JAK2: variants seen among roughly 807,000 people sequenced by gnomAD.
The protein encoded by JAK2 is Janus kinase 2, also known as tyrosine-protein kinase JAK2.
JAK2 carries 86 observed loss-of-function variants against 139.3 expected under a neutral mutation model. The ratio of observed to expected loss-of-function variants is 0.62; its 90% CI spans 0.52 to 0.74. The LOEUF is 0.74. Among genes scored for constraint, JAK2 ranks in the 30% least tolerant of loss-of-function variants. JAK2 has a pLI of 0.00. For missense variants in JAK2, 1,421 were observed against 1,360.3 expected, an observed-to-expected ratio of 1.04 and a Z score of -0.70; for synonymous variants, 490 against 437.7, an observed-to-expected ratio of 1.12 and a Z score of -1.49.
At chr9:4,995,339 T>C (rs917434298) in intron 2 of JAK2, among the ~76,000 whole-genome samples, 5 of 152,316 alleles carry the variant, frequency 3.3e-5, no homozygotes, top group Admixed American at 2.0e-4. Context: ...GTAGATAGTG[T>C]GATTTTGTTG....
intron 19 of JAK2, chr9:5,086,143 GCAAGGCTCGGGGA>G: frequency 2.6e-6 from 1 of 383,834 alleles, no homozygotes; most frequent in Admixed American, 4.8e-5. Flanking sequence ...CGGCGGCCCC[GCAAGGCTCGGGGA>G]GCGGTCTCCA....
chr9:5,041,371 C>T, intron 4 of JAK2: 2 of 626,972 alleles, frequency 3.2e-6, no homozygotes, highest in Non-Finnish European at 3.0e-6. Flanking sequence ...TCAACATGCA[C>T]CTGGGCAAGG....
In JAK2 at chr9:5,102,052, C is replaced by T. The variant is rs532066234; in HGVS notation, c.3059+11141C>T. On this transcript the variant is annotated intron_variant, in intron 22 of 24. Transcript: ENST00000381652. Reference sequence around the variant, plus strand: ...ATGGAGAATGACTTTGACGAGCTGACAGAAGTAGGCTTCAGAAGGTTGGTA... The same window carrying T: ...ATGGAGAATGACTTTGACGAGCTGATAGAAGTAGGCTTCAGAAGGTTGGTA... 3.3e-5 allele frequency among the ~76,000 whole-genome samples: 5 copies of T among 152,266 alleles called. 1 individual carries two copies. In the South Asian group the frequency reaches 1.0e-3, roughly 32 times the overall value.
Position 5,126,820 on chromosome 9 carries a change from G to A in JAK2, c.*29G>A. The stretch of plus-strand genomic sequence containing the variant: ...AAATGACCTTCATTCTGAGACCAAA[G>A]TAGATTTACAGAACAAAGTTTTATA... On this transcript the variant is annotated 3_prime_UTR_variant, in exon 25 of 25. Transcript: ENST00000381652. 7.2e-7 allele frequency: 1 copy of A among 1,394,808 alleles called. No individual in the cohort carries two copies. The highest frequency in any genetic ancestry group is 1.8e-5 in the Admixed American group (1 of 55,770). The allele number at this position is 1,394,808 out of a possible 1,614,324, so 86.4% of individuals were successfully genotyped here. A position where few individuals can be genotyped will look rare whatever the true frequency, so the allele number is the denominator to read the frequency against.
chr9:5,081,047 C>A (rs1449989572), intron 18 of JAK2, among the ~76,000 whole-genome samples: 2 of 151,768 alleles, frequency 1.3e-5, no homozygotes, highest in Non-Finnish European at 2.9e-5. Context: ...AGGCGCCCGC[C>A]ACCACACCCG....
intron 12 of JAK2, among the ~76,000 whole-genome samples, chr9:5,070,526 G>T (rs1456876606): frequency 6.6e-6 from 1 of 151,982 alleles, no homozygotes; most frequent in Non-Finnish European, 1.5e-5. Context: ...ATATACATGG[G>T]TTTTGCATCC....
At chr9:5,122,398 G>C (rs376429336) in intron 22 of JAK2, among the ~76,000 whole-genome samples, 1 of 152,060 alleles carries the variant, frequency 6.6e-6, no homozygotes, top group South Asian at 2.1e-4. Context: ...ATAGCTTTAA[G>C]TCTTGCCTTG....
At chr9:5,091,054 T>TAGG in intron 22 of JAK2, 143 bp downstream of exon 22, 1 of 619,768 alleles carries the variant, frequency 1.6e-6, no homozygotes, top group African/African-American at 1.9e-5. Flanking sequence ...ACTTTTTTTT[T>TAGG]TTAGGTCTTA....
At position 5,119,050 on chromosome 9, in the gene JAK2, CATTATT is replaced by C. The variant is rs1012203836; in HGVS notation, c.3060-3949_3060-3944del. On this transcript the variant is annotated intron_variant, in intron 22 of 24. Coordinates refer to ENST00000381652, the MANE Select transcript of JAK2 (RefSeq NM_004972.4). Reference sequence around the variant, plus strand: ...TTGAAAAAACAGACTATTATTAATACATTATTATTAACATATTTTATCATGTTTTAA... The same window carrying C: ...TTGAAAAAACAGACTATTATTAATACATTAACATATTTTATCATGTTTTAA... Among the ~76,000 whole-genome samples the C allele has an allele frequency of 2.9e-3, 448 of 152,198 alleles. 4 individuals are homozygous for C. The highest frequency in any genetic ancestry group is 9.3e-3 in the African/African-American group (387 of 41,544).
Position 5,054,978 on chromosome 9 carries a change from A to T in JAK2, c.936+94A>T. 1 of 877,172 alleles carries T rather than the reference A, an allele frequency of 1.1e-6. No individual in the cohort carries two copies. The highest frequency in any genetic ancestry group is 1.7e-6 in the Non-Finnish European group (1 of 583,540). 54.3% of individuals were successfully genotyped at this position (877,172 alleles called of 1,614,324 possible). A position where few individuals can be genotyped will look rare whatever the true frequency, so the allele number is the denominator to read the frequency against. ...TTAATCATTTGCAACATGGTATTGC[A>T]CTTCTCCCATTTGATAGAAGTGGAA... On this transcript the variant is annotated intron_variant, in intron 7 of 24. Coordinates refer to ENST00000381652, the MANE Select transcript of JAK2 (RefSeq NM_004972.4). The surrounding 1 kb of genome is among the most constrained non-coding windows in gnomAD (Gnocchi z 4.9).
At chr9:5,051,476 G>A (rs142062173) in intron 6 of JAK2, among the ~76,000 whole-genome samples, 2 of 152,224 alleles carry the variant, frequency 1.3e-5, no homozygotes, top group East Asian at 3.9e-4. Flanking sequence ...TAATCCAAGA[G>A]ATTTGGATTC....
At chr9:4,989,273 TG>T (rs991168100) in intron 2 of JAK2, among the ~76,000 whole-genome samples, 3 of 152,252 alleles carry the variant, frequency 2.0e-5, no homozygotes, top group Non-Finnish European at 4.4e-5. Flanking sequence ...CTTTAATTTT[TG>T]CCCATGTTCT....
intron 4 of JAK2, among the ~76,000 whole-genome samples, chr9:5,038,615 G>A (rs1396783552): frequency 7.5e-6 from 1 of 133,436 alleles, no homozygotes; most frequent in African/African-American, 2.9e-5. Flanking sequence ...TTTTTTTTTG[G>A]ATTTTAGAAT....
intron 22 of JAK2, among the ~76,000 whole-genome samples, chr9:5,104,445 G>GA (rs1389333954): frequency 6.6e-6 from 1 of 152,144 alleles, no homozygotes; most frequent in Non-Finnish European, 1.5e-5. Flanking sequence ...AAAAGTCCAG[G>GA]ACCAGATGGA....
intron 4 of JAK2, among the ~76,000 whole-genome samples, chr9:5,040,108 T>C (rs962943656): frequency 2.0e-5 from 3 of 152,204 alleles, no homozygotes; most frequent in African/African-American, 7.2e-5. Context: ...AGGATGAATA[T>C]ACAGATTAAT....
At chr9:5,033,739 A>G (rs1222834502) in intron 4 of JAK2, among the ~76,000 whole-genome samples, 1 of 152,232 alleles carries the variant, frequency 6.6e-6, no homozygotes, top group Non-Finnish European at 1.5e-5. Flanking sequence ...TCCTGAAGGA[A>G]GCACTAAACA....
At chr9:4,987,720 A>T (rs1470032877) in intron 2 of JAK2, among the ~76,000 whole-genome samples, 8 of 140,790 alleles carry the variant, frequency 5.7e-5, no homozygotes, top group Non-Finnish European at 1.1e-4. Context: ...TGGGCAACAC[A>T]GCAAGACTCT....
Position 5,020,309 on chromosome 9 carries a change from G to A in JAK2, c.-25-1654G>A, listed in dbSNP as rs190548887. 1.2e-4 allele frequency among the ~76,000 whole-genome samples: 19 copies of A among 152,246 alleles called. No individual in the cohort carries two copies. In the South Asian group the frequency reaches 2.1e-3, roughly 17 times the overall value. Reference sequence around the variant, plus strand: ...GTGGAATGCTCAGTTGACACTGGACGTGGACAAACTGGTGCGATCCCAAGG... The same window carrying A: ...GTGGAATGCTCAGTTGACACTGGACATGGACAAACTGGTGCGATCCCAAGG... On this transcript the variant is annotated intron_variant, in intron 2 of 24. Transcript: ENST00000381652.
At chr9:4,993,940 G>C (rs1008395701) in intron 2 of JAK2, among the ~76,000 whole-genome samples, 2 of 152,188 alleles carry the variant, frequency 1.3e-5, no homozygotes, top group Non-Finnish European at 2.9e-5. Flanking sequence ...AATGGTCTCA[G>C]ACTGAGTGAT....
Sources: allele counts gnomAD v4.1 joint callset (sites outside exome capture counted in the v4.1 genomes callset), GRCh38; gene constraint gnomAD v4.1.1; non-coding constraint Gnocchi (gnomAD v3.1); transcripts MANE v1.5; gene names NCBI Gene and HGNC (gene_info 2026-07-23, HGNC 2026-07-21).